KATNIP: variants seen among roughly 807,000 people sequenced by gnomAD.
The protein encoded by KATNIP is katanin-interacting protein.
Under a neutral mutation model 174.0 loss-of-function variants are expected in KATNIP, and 126 were observed. The observed-to-expected ratio is 0.72, with a 90% CI of 0.63 to 0.84. The LOEUF (loss-of-function observed/expected upper bound fraction) is 0.84. KATNIP is among the 40% of genes least tolerant of loss of function. The pLI is 0.00. For synonymous variants in KATNIP, 810 were observed against 835.7 expected, an observed-to-expected ratio of 0.97 and a Z score of 0.53; for missense variants, 1,958 against 2,109.7, an observed-to-expected ratio of 0.93 and a Z score of 1.41.
intron 2 of KATNIP, among the ~76,000 whole-genome samples, chr16:27,602,808 C>T (rs576771689): frequency 1.3e-3 from 201 of 152,280 alleles, no homozygotes; most frequent in Non-Finnish European, 2.6e-3. Context: ...AAGTGATTCT[C>T]CTGCCTCAGC....
intron 2 of KATNIP, among the ~76,000 whole-genome samples, chr16:27,583,049 C>A (rs967528212): frequency 2.6e-5 from 4 of 152,146 alleles, no homozygotes; most frequent in Non-Finnish European, 4.4e-5. Context: ...TTGGGCACTG[C>A]AGGAGATGTG....
At chr16:27,612,076 G>T (rs1027555067) in intron 2 of KATNIP, among the ~76,000 whole-genome samples, 2 of 152,140 alleles carry the variant, frequency 1.3e-5, no homozygotes, top group Non-Finnish European at 2.9e-5. Context: ...ATGGGGCGAG[G>T]TGGGACTCGG....
rs2076403872 is a variant in KATNIP, at chr16:27,628,803, A to G, written c.283A>G (p.Ser95Gly). ...RKAIHSDFSRSASHTEGTHDY... is the reference protein window; with the variant it reads ...RKAIHSDFSRGASHTEGTHDY... Reference sequence around the variant, plus strand: ...AGCTATTCACTCTGACTTCTCCAGAAGTGCCTCCCACACGGAGGGGACACA... The same window carrying G: ...AGCTATTCACTCTGACTTCTCCAGAGGTGCCTCCCACACGGAGGGGACACA... Residue 95 changes from serine to glycine, a missense_variant, in exon 4 of 28, where the codon AGT becomes GGT. Coordinates refer to ENST00000261588, the MANE Select transcript of KATNIP (RefSeq NM_015202.5). 1 of 1,614,136 alleles carries G rather than the reference A, an allele frequency of 6.2e-7. No individual in the cohort carries two copies.
rs951406149 is a variant in KATNIP at position 27,665,475 on chromosome 16, T to G, written c.541-12254T>G. Among the ~76,000 whole-genome samples the G allele has an allele frequency of 3.3e-5, 5 of 152,160 alleles. No homozygotes were observed. In the East Asian group the frequency reaches 9.6e-4, roughly 29 times the overall value. ...GGTGCTTTCTGCCATGATTGGAAGTTGTCTGCAGCCTCCCCAGCTGTGGAG... is the reference window on the plus strand; with the variant it reads ...GGTGCTTTCTGCCATGATTGGAAGTGGTCTGCAGCCTCCCCAGCTGTGGAG... On this transcript the variant is annotated intron_variant, in intron 6 of 27. Transcript: ENST00000261588.
intron 2 of KATNIP, among the ~76,000 whole-genome samples, chr16:27,592,220 A>T (rs1307472983): frequency 1.4e-5 from 2 of 145,170 alleles, no homozygotes; most frequent in Non-Finnish European, 3.0e-5. Context: ...CATGTATTCC[A>T]TGTTATTTAC....
intron 14 of KATNIP, among the ~76,000 whole-genome samples, chr16:27,735,005 A>G (rs1183183478): frequency 1.3e-5 from 2 of 152,248 alleles, no homozygotes; most frequent in African/African-American, 4.8e-5. Flanking sequence ...TAAACAGAAT[A>G]TCCAGAGAAG....
intron 27 of KATNIP, among the ~76,000 whole-genome samples, chr16:27,778,326 T>G (rs759063926): frequency 3.3e-5 from 5 of 152,016 alleles, no homozygotes; most frequent in Non-Finnish European, 7.4e-5. Flanking sequence ...GGAGGTGATG[T>G]TTGAGCTGGA....
At chr16:27,615,363 A>AT (rs900859228) in intron 2 of KATNIP, among the ~76,000 whole-genome samples, 19 of 123,420 alleles carry the variant, frequency 1.5e-4, no homozygotes, top group Admixed American at 4.2e-4. Context: ...ATTTATTATT[A>AT]TTTTTTTTTG....
rs1447812977 is a variant in KATNIP, at chr16:27,703,933, G to A, written c.1324G>A (p.Glu442Lys). Residue 442 changes from glutamate (E) to lysine (K), a missense_variant, in exon 12 of 28, where the codon GAA (glutamate) becomes AAA (lysine). By Grantham distance (56) the Glu-to-Lys change is moderately conservative. Transcript: ENST00000261588. ...QKLLKVLQAV[E>K]SDSAHLGRVV... ...GCTTCTGAAAGTCCTCCAGGCCGTC[G>A]AAAGTGACTCTGCCCATCTCGGCAG... 5.0e-6 allele frequency: 8 copies of A among 1,614,220 alleles called. No homozygotes were observed. Among genetic ancestry groups the A allele is most frequent in the Non-Finnish European group, 5.9e-6 (7 of 1,180,040 alleles).
chr16:27,777,858 TTG>T lies in KATNIP; in HGVS notation c.4713-19_4713-18del, dbSNP rs1250508561. On this transcript the variant is annotated intron_variant, in intron 26 of 27. Coordinates refer to ENST00000261588, the MANE Select transcript of KATNIP (RefSeq NM_015202.5). The surrounding 1 kb of genome is among the most constrained non-coding windows in gnomAD (Gnocchi z 4.4). ...ACACGGCCAGGAGCCTGATCGAATC[TTG>T]TGTTTCCTTCCTACCCTCAGTAATC... is the stretch of plus-strand genomic sequence containing the variant. The T allele has an allele frequency of 6.2e-7, 1 of 1,613,744 alleles. No homozygotes were observed. Among genetic ancestry groups the T allele is most frequent in the African/African-American group, 1.3e-5 (1 of 75,046 alleles).
chr16:27,699,427 G>T (rs2079023131), intron 9 of KATNIP, 107 bp from the exon 10 acceptor site: 2 of 1,521,412 alleles, frequency 1.3e-6, no homozygotes, highest in South Asian at 1.3e-5. Context: ...TATATCTATG[G>T]TAGCTTGAGA....
chr16:27,631,195 G>C, intron 5 of KATNIP, 33 bp downstream of exon 5: 1 of 1,477,294 alleles, frequency 6.8e-7, no homozygotes, highest in East Asian at 2.5e-5. Flanking sequence ...CCACGCTTTA[G>C]AATACAGAGT....
chr16:27,727,522 G>C (rs986480638), intron 14 of KATNIP: 4 of 152,408 alleles, frequency 2.6e-5, no homozygotes, highest in African/African-American at 4.8e-5. Flanking sequence ...GGATCAGGGG[G>C]CAGAGGGAGC....
At chr16:27,624,582 A>T (rs895399976) in intron 3 of KATNIP, among the ~76,000 whole-genome samples, 1 of 152,128 alleles carries the variant, frequency 6.6e-6, no homozygotes, top group Admixed American at 6.5e-5. Context: ...TTGGGAAGCC[A>T]AGGTGGGTGG....
Position 27,766,373 on chromosome 16 carries a change from G to C in KATNIP, c.3874G>C (p.Gly1292Arg). The C allele has an allele frequency of 6.2e-7, 1 of 1,614,160 alleles. No homozygotes were observed. The highest frequency in any genetic ancestry group is 8.5e-7 in the Non-Finnish European group (1 of 1,180,034). ...TATGTGGCTGATCCCCTTCTCGCCGGGGCTGGACCATGTGGTCACGATCCG... is the reference window on the plus strand; with the variant it reads ...TATGTGGCTGATCCCCTTCTCGCCGCGGCTGGACCATGTGGTCACGATCCG... ...EHMWLIPFSP[G>R]LDHVVTIRLD... Residue 1292 changes from glycine to arginine, a missense_variant, in exon 20 of 28, where the codon GGG becomes CGG. Physicochemically the swap from Gly to Arg is moderately radical, Grantham distance 125 (BLOSUM62 -2). This residue lies in a region of KATNIP where 383 missense variants were observed against 456.0 expected (regional missense o/e 0.84). Transcript: ENST00000261588.
rs964027049 is a variant in KATNIP, at chr16:27,754,244, C to T, written c.3624C>T (p.His1208=). The T allele has an allele frequency of 6.8e-6, 11 of 1,613,668 alleles. No individual in the cohort carries two copies. Among genetic ancestry groups the T allele is most frequent in the South Asian group, 4.4e-5 (4 of 91,086 alleles). Residue 1208 remains histidine, a synonymous_variant, in exon 18 of 28, where the codon CAC becomes CAT. Coordinates refer to ENST00000261588, the MANE Select transcript of KATNIP (RefSeq NM_015202.5). ...CCACGCCAGAGCCAGGCATCTACCA[C>T]GGAATCTGTGAGTAGCTCTCCTGGA... ...QVTTPEPGIY[H]GICLQLNFTA... is the part of the protein sequence containing the mutation.
intron 1 of KATNIP, among the ~76,000 whole-genome samples, chr16:27,569,634 G>A (rs1029258930): frequency 3.9e-5 from 6 of 152,176 alleles, no homozygotes; most frequent in East Asian, 1.9e-4. Flanking sequence ...AGCTAAGTGC[G>A]GTAGACAGGC....
At chr16:27,633,533 C>G (rs1327124934) in intron 5 of KATNIP, among the ~76,000 whole-genome samples, 1 of 151,352 alleles carries the variant, frequency 6.6e-6, no homozygotes, top group Non-Finnish European at 1.5e-5. Flanking sequence ...CTCAAGTGAT[C>G]CTCCTGCCTC....
intron 1 of KATNIP, among the ~76,000 whole-genome samples, chr16:27,571,194 G>A (rs751093330): frequency 2.0e-5 from 3 of 152,010 alleles, no homozygotes; most frequent in Admixed American, 6.5e-5. Flanking sequence ...CACCATGCCC[G>A]GCTAATTTTT....
Sources: gnomAD v4.1 joint callset for allele counts (sites outside exome capture counted in the v4.1 genomes callset) on GRCh38, gnomAD v4.1.1 for gene constraint, gnomAD v4.1.1 regional missense constraint, Gnocchi (gnomAD v3.1) non-coding constraint, MANE v1.5 for transcripts, NCBI Gene and HGNC (gene_info 2026-07-23, HGNC 2026-07-21) for gene names.